MTMR7: variants seen among roughly 807,000 people sequenced by gnomAD.
MTMR7 encodes myotubularin related protein 7.
In MTMR7, 76 loss-of-function variants were observed where a neutral mutation model predicts 81.2. The observed-to-expected ratio is 0.94, with a 90% CI of 0.78 to 1.13. MTMR7 has a LOEUF of 1.13. Ranked by LOEUF, MTMR7 falls within the 50% of genes most tolerant of loss-of-function variation. The pLI is 0.00. For missense variants in MTMR7, 1,044 were observed against 820.0 expected, an observed-to-expected ratio of 1.27 and a Z score of -3.34; for synonymous variants, 372 against 289.8, an observed-to-expected ratio of 1.28 and a Z score of -2.88.
At chr8:17,311,057 G>C (rs1291040958) in intron 9 of MTMR7, among the ~76,000 whole-genome samples, 1 of 152,120 alleles carries the variant, frequency 6.6e-6, no homozygotes, top group Non-Finnish European at 1.5e-5. Flanking sequence ...GGGTGTGAAG[G>C]ACTACTTAAA....
chr8:17,317,798 G>A lies in MTMR7; in HGVS notation c.866-4397C>T, dbSNP rs561466864. Among the ~76,000 whole-genome samples, 101 of 152,224 alleles carry A rather than the reference G, an allele frequency of 6.6e-4. 2 individuals are homozygous for A. The highest frequency in any genetic ancestry group is 3.4e-3 in the Middle Eastern group (1 of 294). Reference sequence around the variant, plus strand: ...TCTCATACTTCCGCCATAAATTGCAGCTTTTTTTTCTAGTCTGTGGCATTA... The same window carrying A: ...TCTCATACTTCCGCCATAAATTGCAACTTTTTTTTCTAGTCTGTGGCATTA... On this transcript the variant is annotated intron_variant, in intron 7 of 13. Coordinates refer to ENST00000180173, the MANE Select transcript of MTMR7 (RefSeq NM_004686.5).
At chr8:17,348,711 G>A (rs1476676057) in intron 5 of MTMR7, among the ~76,000 whole-genome samples, 1 of 152,038 alleles carries the variant, frequency 6.6e-6, no homozygotes, top group Non-Finnish European at 1.5e-5. Flanking sequence ...AGCTTTAGGG[G>A]TTTTCTGAAT....
At chr8:17,344,598 G>A (rs1321133991) in intron 5 of MTMR7, among the ~76,000 whole-genome samples, 1 of 152,124 alleles carries the variant, frequency 6.6e-6, no homozygotes, top group Non-Finnish European at 1.5e-5. Flanking sequence ...GTGACAGAGC[G>A]AGACTCCATC....
intron 1 of MTMR7, among the ~76,000 whole-genome samples, chr8:17,393,509 T>C (rs563444811): frequency 6.6e-6 from 1 of 152,106 alleles, no homozygotes; most frequent in Non-Finnish European, 1.5e-5. Context: ...ATAAAGAACA[T>C]TTACAGCTCA....
intron 4 of MTMR7, among the ~76,000 whole-genome samples, chr8:17,358,848 T>A (rs1754847068): frequency 6.6e-6 from 1 of 152,096 alleles, no homozygotes; most frequent in Non-Finnish European, 1.5e-5. Flanking sequence ...AAGGATACTA[T>A]ATCAAGAATT....
chr8:17,355,200 C>CA (rs1384879420), intron 4 of MTMR7, among the ~76,000 whole-genome samples: 1 of 152,250 alleles, frequency 6.6e-6, no homozygotes, highest in African/African-American at 2.4e-5. Context: ...GTCATATTAA[C>CA]AAAAAGAGTA....
intron 4 of MTMR7, among the ~76,000 whole-genome samples, chr8:17,351,699 G>A (rs1205672750): frequency 1.3e-5 from 2 of 152,198 alleles, no homozygotes; most frequent in Non-Finnish European, 2.9e-5. Flanking sequence ...GGGTCTAGGG[G>A]AAAAAGCTCC....
intron 1 of MTMR7, among the ~76,000 whole-genome samples, chr8:17,399,805 T>G (rs1000364369): frequency 1.3e-5 from 2 of 151,438 alleles, no homozygotes; most frequent in African/African-American, 4.9e-5. Flanking sequence ...GCAAACTAAG[T>G]GGCCATCAAC....
At chr8:17,399,640 T>C (rs1255449360) in intron 1 of MTMR7, among the ~76,000 whole-genome samples, 3 of 151,994 alleles carry the variant, frequency 2.0e-5, no homozygotes, top group African/African-American at 7.2e-5. Flanking sequence ...GAAAGTTATA[T>C]AGAACAACAA....
chr8:17,336,527 C>T (rs1819241832), intron 6 of MTMR7, among the ~76,000 whole-genome samples: 1 of 152,132 alleles, frequency 6.6e-6, no homozygotes, highest in African/African-American at 2.4e-5. Flanking sequence ...TAGGTGACCC[C>T]TCCCAGGACT....
chr8:17,410,240 G>A lies in MTMR7; in HGVS notation c.24+3029C>T, dbSNP rs17124531. ...CAAGGTCTGTTTTGGAGGTTATCAC[G>A]TATTCTATTTCATAACTCAAATTTA... On this transcript the variant is annotated intron_variant, in intron 1 of 13. Transcript: ENST00000180173. 2.2e-3 allele frequency among the ~76,000 whole-genome samples: 329 copies of A among 152,238 alleles called. 4 individuals carry two copies. The highest frequency in any genetic ancestry group is 7.2e-3 in the African/African-American group (300 of 41,526).
chr8:17,300,329 A>G, intron 13 of MTMR7, 105 bp from the exon 14 acceptor site: 10 of 1,242,748 alleles, frequency 8.0e-6, no homozygotes, highest in Non-Finnish European at 1.1e-5. Flanking sequence ...GTATAATGTT[A>G]AGAACATGTG....
chr8:17,397,860 G>C (rs1207366080), intron 1 of MTMR7, among the ~76,000 whole-genome samples: 1 of 152,170 alleles, frequency 6.6e-6, no homozygotes, highest in Non-Finnish European at 1.5e-5. Context: ...CCCAGCTCCA[G>C]ATAGTTCAGC....
intron 1 of MTMR7, among the ~76,000 whole-genome samples, chr8:17,402,407 C>A (rs1037156460): frequency 6.6e-6 from 1 of 152,132 alleles, no homozygotes; most frequent in Non-Finnish European, 1.5e-5. Flanking sequence ...CTGCCCCAGA[C>A]CCCACTACCT....
intron 11 of MTMR7, 71 bp from the exon 12 acceptor site, chr8:17,304,590 T>C (rs1817329960): frequency 6.7e-7 from 1 of 1,498,250 alleles, no homozygotes; most frequent in Non-Finnish European, 9.2e-7. Context: ...GTTATATTAA[T>C]GCTGGAAAGG....
chr8:17,298,361 TTAACAG>T lies in MTMR7; in HGVS notation c.*1495_*1500del, dbSNP rs1371834120. Reference sequence around the variant, plus strand: ...AATTACACTTGCTTTATTTTTTACATTAACAGTACTTTTAAATCACAGTTCTCTAAT... The same window carrying T: ...AATTACACTTGCTTTATTTTTTACATTACTTTTAAATCACAGTTCTCTAAT... On this transcript the variant is annotated 3_prime_UTR_variant, in exon 14 of 14. Coordinates refer to ENST00000180173, the MANE Select transcript of MTMR7 (RefSeq NM_004686.5). The T allele has an allele frequency of 2.0e-5, 3 of 152,110 alleles. No individual in the cohort carries two copies. Among genetic ancestry groups the T allele is most frequent in the African/African-American group, 7.2e-5 (3 of 41,450 alleles). The allele number at this position is 152,110 out of a possible 1,614,324, so 9.4% of individuals were successfully genotyped here. A position where few individuals can be genotyped will look rare whatever the true frequency, so the allele number is the denominator to read the frequency against.
chr8:17,342,591 T>C (rs1445904441), intron 5 of MTMR7, among the ~76,000 whole-genome samples: 1 of 152,170 alleles, frequency 6.6e-6, no homozygotes, highest in African/African-American at 2.4e-5. Context: ...AGGGCTTGGG[T>C]GCTCCTTGTT....
intron 7 of MTMR7, among the ~76,000 whole-genome samples, chr8:17,325,467 A>G (rs1586189870): frequency 6.6e-6 from 1 of 152,276 alleles, no homozygotes; most frequent in East Asian, 1.9e-4. Context: ...GTCAGGGAAC[A>G]TTTTTTTAAG....
At chr8:17,309,965 GTATT>G (rs1563320827) in intron 9 of MTMR7, among the ~76,000 whole-genome samples, 1 of 152,046 alleles carries the variant, frequency 6.6e-6, no homozygotes, top group East Asian at 1.9e-4. Context: ...TTATTTTTAA[GTATT>G]TATTTTGGTT....
Sources: gnomAD v4.1 joint callset for allele counts (sites outside exome capture counted in the v4.1 genomes callset) on GRCh38, gnomAD v4.1.1 for gene constraint, MANE v1.5 for transcripts, NCBI Gene and HGNC (gene_info 2026-07-23, HGNC 2026-07-21) for gene names.